CTNNA3: variants seen among roughly 807,000 people sequenced by gnomAD.
CTNNA3 encodes the protein catenin alpha-3.
CTNNA3 carries 76 observed loss-of-function variants against 95.7 expected under a neutral mutation model. The ratio of observed to expected loss-of-function variants is 0.79; its 90% CI spans 0.66 to 0.96. The LOEUF is 0.96. CTNNA3 is among the 40% of genes least tolerant of loss of function. CTNNA3 has a pLI of 0.00. For missense variants in CTNNA3, 1,191 were observed against 1,089.8 expected (o/e 1.09, Z -1.31); for synonymous variants, 431 against 374.4 (o/e 1.15, Z -1.74).
chr10:66,735,667 T>C (rs1349153917), intron 9 of CTNNA3, among the ~76,000 whole-genome samples: 2 of 152,186 alleles, frequency 1.3e-5, no homozygotes, highest in African/African-American at 4.8e-5. Flanking sequence ...ACCTTTCTTC[T>C]AATAAATAAA....
chr10:67,447,233 G>A (rs1193484026), intron 5 of CTNNA3, among the ~76,000 whole-genome samples: 1 of 152,238 alleles, frequency 6.6e-6, no homozygotes, highest in Non-Finnish European at 1.5e-5. Flanking sequence ...AGTGGTGCTG[G>A]GAAGTTGTCT....
intron 7 of CTNNA3, among the ~76,000 whole-genome samples, chr10:66,939,143 C>T (rs1198192503): frequency 2.6e-5 from 4 of 152,174 alleles, no homozygotes; most frequent in African/African-American, 4.8e-5. Flanking sequence ...GCCTCCAACA[C>T]TCAGAAGCTG....
chr10:67,122,883 T>A (rs1859536834), intron 7 of CTNNA3, among the ~76,000 whole-genome samples: 1 of 152,146 alleles, frequency 6.6e-6, no homozygotes, highest in Non-Finnish European at 1.5e-5. Context: ...GTCAGAATTG[T>A]ACAGCTCTTT....
chr10:67,761,841 G>A (rs1234627820), intron 1 of CTNNA3, among the ~76,000 whole-genome samples: 1 of 150,156 alleles, frequency 6.7e-6, no homozygotes, highest in Non-Finnish European at 1.5e-5. Context: ...TCGCACCACT[G>A]CACTCTAGCC....
At position 67,338,184 on chromosome 10, in the gene CTNNA3, C is replaced by T. The variant is rs147144971; in HGVS notation, c.580-118314G>A. Among the ~76,000 whole-genome samples, 26 of 152,166 alleles carry T rather than the reference C, an allele frequency of 1.7e-4. 1 individual carries two copies. In the East Asian group the frequency reaches 4.8e-3, roughly 28 times the overall value. The stretch of plus-strand genomic sequence containing the variant: ...TTGGTTCACAGTTCTGCAGACTGTA[C>T]AGGAAACATGGAGCTGGCATTTGCT... On this transcript the variant is annotated intron_variant, in intron 5 of 17. Coordinates refer to ENST00000433211, the MANE Select transcript of CTNNA3 (RefSeq NM_013266.4).
At chr10:66,622,465 A>T (rs561241926) in intron 9 of CTNNA3, among the ~76,000 whole-genome samples, 1 of 152,260 alleles carries the variant, frequency 6.6e-6, no homozygotes, top group South Asian at 2.1e-4. Context: ...CATGACCTAA[A>T]TCCAAGGTTT....
intron 11 of CTNNA3, among the ~76,000 whole-genome samples, chr10:66,490,037 C>T (rs138874293): frequency 7.4e-4 from 112 of 152,222 alleles, no homozygotes; most frequent in South Asian, 5.4e-3. Flanking sequence ...TAGTTTCTAT[C>T]GAGTGGGAAT....
At chr10:66,890,005 G>C (rs1845203765) in intron 7 of CTNNA3, among the ~76,000 whole-genome samples, 1 of 152,086 alleles carries the variant, frequency 6.6e-6, no homozygotes, top group African/African-American at 2.4e-5. Context: ...TGGCTAGGCT[G>C]GTCTTGAACT....
rs376498614 is a variant in CTNNA3, at chr10:66,294,269, G to A, written c.1733-13648C>T. Among the ~76,000 whole-genome samples the A allele has an allele frequency of 3.9e-4, 59 of 152,246 alleles. No individual in the cohort carries two copies. The South Asian group carries it at 0.012, about 31-fold the overall frequency. On this transcript the variant is annotated intron_variant, in intron 12 of 17. Transcript: ENST00000433211. Reference sequence around the variant, plus strand: ...TCATAATTAATTTGTCTGAGAAGTTGTTTTAACAGTGGTTTTCAACTCTGT... The same window carrying A: ...TCATAATTAATTTGTCTGAGAAGTTATTTTAACAGTGGTTTTCAACTCTGT...
chr10:66,343,748 G>A (rs539866126), intron 12 of CTNNA3, among the ~76,000 whole-genome samples: 5 of 152,078 alleles, frequency 3.3e-5, no homozygotes, highest in African/African-American at 9.6e-5. Flanking sequence ...ACAAAGAAAC[G>A]ATAAATCTTT....
chr10:66,291,841 T>C (rs1262333665), intron 12 of CTNNA3, among the ~76,000 whole-genome samples: 1 of 151,564 alleles, frequency 6.6e-6, no homozygotes, highest in African/African-American at 2.4e-5. Flanking sequence ...ACATAAATTA[T>C]ATATATGTGT....
At chr10:67,310,248 G>C (rs2616721) in intron 5 of CTNNA3, among the ~76,000 whole-genome samples, 47,113 of 151,990 alleles carry the variant, frequency 0.31, 12,211 homozygotes, top group African/African-American at 0.71. Flanking sequence ...GTATCTAGCT[G>C]TATGCATCTT....
At position 66,331,338 on chromosome 10, in the gene CTNNA3, G is replaced by GCTTGTTTTTTTTTTTTTTTTTT. The variant is rs1417713676; in HGVS notation, c.1732+47813_1732+47814insAAAAAAAAAAAAAAAAAACAAG. ...TTAAATATGGACTCCTTTCCCCATT[G>GCTTGTTTTTTTTTTTTTTTTTT]TTTGTTTTTTTTTTTTTTTTTTTTT... is the stretch of plus-strand genomic sequence containing the variant. On this transcript the variant is annotated intron_variant, in intron 12 of 17. Coordinates refer to ENST00000433211, the MANE Select transcript of CTNNA3 (RefSeq NM_013266.4). 3.8e-4 allele frequency among the ~76,000 whole-genome samples: 15 copies of GCTTGTTTTTTTTTTTTTTTTTT among 39,116 alleles called. 6 individuals are homozygous for GCTTGTTTTTTTTTTTTTTTTTT. Among genetic ancestry groups the GCTTGTTTTTTTTTTTTTTTTTT allele is most frequent in the African/African-American group, 2.9e-4 (4 of 13,984 alleles). 25.7% of individuals were successfully genotyped at this position (39,116 alleles called of 152,430 possible). A position where few individuals can be genotyped will look rare whatever the true frequency, so the allele number is the denominator to read the frequency against.
chr10:66,751,384 A>G (rs1018989075), intron 9 of CTNNA3, among the ~76,000 whole-genome samples: 2 of 152,348 alleles, frequency 1.3e-5, no homozygotes, highest in African/African-American at 4.8e-5. Context: ...AGTTCCAGAA[A>G]GAGTTTTTTA....
chr10:66,919,083 C>T (rs1199593392), intron 7 of CTNNA3, among the ~76,000 whole-genome samples: 8 of 146,948 alleles, frequency 5.4e-5, no homozygotes, highest in South Asian at 2.2e-4. Flanking sequence ...TGCTGTGAGC[C>T]GGGATCGTGC....
intron 13 of CTNNA3, among the ~76,000 whole-genome samples, chr10:66,190,727 C>G (rs544870794): frequency 1.3e-5 from 2 of 152,218 alleles, no homozygotes; most frequent in East Asian, 3.9e-4. Flanking sequence ...ACCTCTTACA[C>G]AGGATTTGAT....
intron 11 of CTNNA3, among the ~76,000 whole-genome samples, chr10:66,430,991 T>C (rs567417050): frequency 1.3e-5 from 2 of 151,968 alleles, no homozygotes; most frequent in Non-Finnish European, 2.9e-5. Flanking sequence ...AGAAAATTTT[T>C]GCAAACTACT....
chr10:65,930,613 GTAGT>G (rs1248033431), intron 17 of CTNNA3, among the ~76,000 whole-genome samples: 1 of 152,074 alleles, frequency 6.6e-6, no homozygotes, highest in African/African-American at 2.4e-5. Context: ...AAATCTCATA[GTAGT>G]TAATTTTTTT....
At chr10:66,365,500 A>T (rs1276181102) in intron 12 of CTNNA3, among the ~76,000 whole-genome samples, 18 of 152,132 alleles carry the variant, frequency 1.2e-4, no homozygotes, top group Admixed American at 1.2e-3. Context: ...CAAAACTGCA[A>T]GTTCTGCACA....
Sources: allele counts gnomAD v4.1 joint callset (sites outside exome capture counted in the v4.1 genomes callset), GRCh38; gene constraint gnomAD v4.1.1; transcripts MANE v1.5; gene names NCBI Gene and HGNC (gene_info 2026-07-23, HGNC 2026-07-21).